The following MYO18B variants were observed in gnomAD, a reference collection of about 807,000 sequenced individuals.
MYO18B encodes the protein myosin XVIIIB, also known as unconventional myosin-XVIIIb.
In MYO18B, 204 loss-of-function variants were observed where a neutral mutation model predicts 273.0. The observed-to-expected ratio is 0.75, with a 90% CI of 0.67 to 0.84. The LOEUF (loss-of-function observed/expected upper bound fraction) is 0.84. Ranked by LOEUF, MYO18B falls within the 40% of genes least tolerant of loss-of-function variation. The pLI is 0.00. For missense variants in MYO18B, 3,212 were observed against 3,287.6 expected (o/e 0.98, Z 0.56); for synonymous variants, 1,330 against 1,305.7 (o/e 1.02, Z -0.40).
intron 7 of MYO18B, among the ~76,000 whole-genome samples, chr22:25,773,565 G>T (rs376433251): frequency 6.6e-6 from 1 of 152,144 alleles, no homozygotes; most frequent in Admixed American, 6.5e-5. Context: ...CCGGGTTCAC[G>T]CCATTCTCCT....
chr22:26,005,165 A>G (rs1343944363), intron 42 of MYO18B, among the ~76,000 whole-genome samples: 2 of 152,240 alleles, frequency 1.3e-5, no homozygotes, highest in Admixed American at 6.5e-5. Flanking sequence ...TAAATAGCAC[A>G]GGGTGAACAT....
At chr22:26,031,585 G>T (rs1442663971), downstream of MYO18B, among the ~76,000 whole-genome samples, 3 of 152,200 alleles carry the variant, frequency 2.0e-5, no homozygotes, top group Non-Finnish European at 4.4e-5. Context: ...GTCACTTTAT[G>T]AAGTACTGCG....
Position 25,883,111 on chromosome 22 carries a change from T to C in MYO18B, c.4314+5063T>C, listed in dbSNP as rs1356781801. ...TGGGGGTCTCACTTTGTTGCCCAGG[T>C]TGGTCTCCAATTCCTGGGCTCAAGC... is the stretch of plus-strand genomic sequence containing the variant. On this transcript the variant is annotated intron_variant, in intron 25 of 43. Coordinates refer to ENST00000335473, the MANE Select transcript of MYO18B (RefSeq NM_032608.7). This position sits in a 1 kb window ranked among gnomAD's most constrained non-coding sequence, Gnocchi z 7.6. Among the ~76,000 whole-genome samples the C allele has an allele frequency of 6.6e-6, 1 of 151,988 alleles. No homozygotes were observed. The highest frequency in any genetic ancestry group is 1.5e-5 in the Non-Finnish European group (1 of 67,980).
intron 42 of MYO18B, among the ~76,000 whole-genome samples, chr22:26,008,408 C>T (rs189282100): frequency 6.9e-4 from 105 of 152,266 alleles, no homozygotes; most frequent in Admixed American, 1.4e-3. Context: ...TTACCTGGTG[C>T]ATGGGAAGAC....
In MYO18B at chr22:25,772,354, C is replaced by T; in HGVS notation, c.1713C>T (p.Asp571=). Residue 571 remains aspartate (D), a synonymous_variant, in exon 7 of 44, where the codon GAC becomes GAT. Coordinates refer to ENST00000335473, the MANE Select transcript of MYO18B (RefSeq NM_032608.7). ...HVHRANPPEL[D]QVEDLASLIS... ...CACAGGCCAACCCTCCTGAGCTGGA[C>T]CAGGTCGAGGACCTGGCCTCTCTCA... 6.2e-7 allele frequency: 1 copy of T among 1,613,820 alleles called. No homozygotes were observed. Among genetic ancestry groups the T allele is most frequent in the Non-Finnish European group, 8.5e-7 (1 of 1,179,822 alleles).
the MYO18B span, among the ~76,000 whole-genome samples, chr22:26,055,999 C>G: frequency 6.6e-6 from 1 of 151,502 alleles, no homozygotes; most frequent in Non-Finnish European, 1.5e-5. Context: ...TGATAGCAGA[C>G]TTGGATTAAT....
rs58679561 is a variant in MYO18B, at chr22:25,792,497, C to CTTTTTTTTTT, written c.2377-5449_2377-5440dup. Among the ~76,000 whole-genome samples, 42 of 107,938 alleles carry CTTTTTTTTTT rather than the reference C, an allele frequency of 3.9e-4. 5 individuals are homozygous for CTTTTTTTTTT. The highest frequency in any genetic ancestry group is 1.2e-3 in the South Asian group (4 of 3,324). 70.8% of individuals were successfully genotyped at this position (107,938 alleles called of 152,430 possible). ...GTGATGTTTCTTTTTTTTTTCTTTT[C>CTTTTTTTTTT]TTTTTTTTTTTTTTTTGAGACAGAG... On this transcript the variant is annotated intron_variant, in intron 11 of 43. Coordinates refer to ENST00000335473, the MANE Select transcript of MYO18B (RefSeq NM_032608.7).
chr22:25,771,632 C>T (rs1219175476), intron 6 of MYO18B, among the ~76,000 whole-genome samples: 1 of 152,166 alleles, frequency 6.6e-6, no homozygotes, highest in African/African-American at 2.4e-5. Flanking sequence ...CTCCTCTGCC[C>T]ACCTCAGGCT....
intron 12 of MYO18B, among the ~76,000 whole-genome samples, chr22:25,807,940 A>G (rs1471310938): frequency 6.6e-6 from 1 of 152,016 alleles, no homozygotes; most frequent in East Asian, 1.9e-4. Context: ...GCTGTTTGCC[A>G]AGAGCTTTGG....
chr22:25,952,518 C>T (rs2092804676), intron 38 of MYO18B, 95 bp downstream of exon 38: 3 of 1,462,552 alleles, frequency 2.1e-6, no homozygotes. Context: ...TATCTACTCA[C>T]ATGCCTTCAT....
At position 25,823,516 on chromosome 22, in the gene MYO18B, C is replaced by G. The variant is rs1268212582; in HGVS notation, c.2533C>G (p.Gln845Glu). The G allele has an allele frequency of 3.1e-6, 5 of 1,613,860 alleles. 1 individual carries two copies. The South Asian group carries it at 5.5e-5, about 18-fold the overall frequency. ...TGTCCCCTTTGCAGTGGGTCGGAAG[C>G]AGTTCATGAGGTTTGAGTGGGCAAA... Reference protein sequence around the residue: ...AAGACKVGRKQFMRFEWANYA... With the variant: ...AAGACKVGRKEFMRFEWANYA... Residue 845 changes from glutamine (Q) to glutamate (E), a missense_variant, in exon 13 of 44, where the codon CAG becomes GAG. Physicochemically the swap from Gln to Glu is conservative, Grantham distance 29 (BLOSUM62 2). Transcript: ENST00000335473.
chr22:26,003,580 C>G (rs767984843), intron 41 of MYO18B, among the ~76,000 whole-genome samples: 1 of 152,200 alleles, frequency 6.6e-6, no homozygotes, highest in Non-Finnish European at 1.5e-5. Flanking sequence ...ACTTTTTACA[C>G]TGATGTTTGT....
chr22:25,903,016 G>C, intron 30 of MYO18B: 1 of 367,932 alleles, frequency 2.7e-6, no homozygotes, highest in East Asian at 6.2e-5. Context: ...AGCAGAGAAT[G>C]AGTTAGCTAT....
chr22:25,810,880 A>G (rs2088718399), intron 12 of MYO18B, among the ~76,000 whole-genome samples: 1 of 152,200 alleles, frequency 6.6e-6, no homozygotes, highest in South Asian at 2.1e-4. Context: ...TATTAGCAGC[A>G]AAGGTCCATC....
intron 39 of MYO18B, among the ~76,000 whole-genome samples, chr22:25,991,334 G>A (rs1315237381): frequency 2.0e-5 from 3 of 152,126 alleles, no homozygotes; most frequent in Non-Finnish European, 4.4e-5. Flanking sequence ...CATTCAGGCC[G>A]GATAATTCTT....
intron 28 of MYO18B, chr22:25,896,953 G>GC (rs2091818942): frequency 6.6e-6 from 1 of 152,042 alleles, no homozygotes. Context: ...GCCACACTCA[G>GC]TTTTTTTTCT....
intron 12 of MYO18B, among the ~76,000 whole-genome samples, chr22:25,798,382 A>T (rs1414736758): frequency 6.6e-6 from 1 of 152,182 alleles, no homozygotes; most frequent in Non-Finnish European, 1.5e-5. Flanking sequence ...GCTACTGAAC[A>T]CTTATATATA....
At chr22:25,980,377 GA>G (rs2093136738) in intron 39 of MYO18B, among the ~76,000 whole-genome samples, 1 of 152,186 alleles carries the variant, frequency 6.6e-6, no homozygotes, top group Non-Finnish European at 1.5e-5. Context: ...AATAAGAAGA[GA>G]AAGGAAAGAC....
At chr22:25,826,600 G>A (rs993171595) in intron 14 of MYO18B, 101 bp downstream of exon 14, 13 of 1,059,878 alleles carry the variant, frequency 1.2e-5, no homozygotes, top group South Asian at 5.7e-5. Flanking sequence ...TTGAGCTGGC[G>A]AGAGGGTTTC....
Sources: gnomAD v4.1 joint callset for allele counts (sites outside exome capture counted in the v4.1 genomes callset) on GRCh38, gnomAD v4.1.1 for gene constraint, Gnocchi (gnomAD v3.1) non-coding constraint, MANE v1.5 for transcripts, NCBI Gene and HGNC (gene_info 2026-07-23, HGNC 2026-07-21) for gene names.